PARP8: variants seen among roughly 807,000 people sequenced by gnomAD.
PARP8 encodes protein mono-ADP-ribosyltransferase PARP8.
A neutral mutation model predicts 124.1 loss-of-function variants in PARP8; 51 were observed. The ratio of observed to expected loss-of-function variants is 0.41; its 90% CI spans 0.33 to 0.52. The LOEUF (loss-of-function observed/expected upper bound fraction) is 0.52, where lower values mean the gene tolerates loss of function less well. Among genes scored for constraint, PARP8 ranks in the 20% least tolerant of loss-of-function variants. PARP8 has a pLI of 0.21. For synonymous variants in PARP8, 391 were observed against 361.5 expected (o/e 1.08, Z -0.93); for missense variants, 860 against 1,018.9 (o/e 0.84, Z 2.12).
At chr5:50,688,077 A>G (rs761041831) in intron 2 of PARP8, among the ~76,000 whole-genome samples, 2 of 152,256 alleles carry the variant, frequency 1.3e-5, no homozygotes, top group South Asian at 2.1e-4. Context: ...TGGAAGTTCT[A>G]GGCTCAGGGG....
chr5:50,751,913 G>A (rs1759305549), intron 3 of PARP8, among the ~76,000 whole-genome samples: 1 of 152,036 alleles, frequency 6.6e-6, no homozygotes. Flanking sequence ...TGGTTAATAT[G>A]CTTGACTTTT....
chr5:50,701,446 A>G (rs1369353732), intron 2 of PARP8, among the ~76,000 whole-genome samples: 1 of 152,168 alleles, frequency 6.6e-6, no homozygotes, highest in Non-Finnish European at 1.5e-5. Context: ...TTCTTCAAAC[A>G]AAAAGAAAAT....
At chr5:50,792,341 G>T (rs1299962960) in intron 10 of PARP8, among the ~76,000 whole-genome samples, 1 of 152,108 alleles carries the variant, frequency 6.6e-6, no homozygotes, top group Non-Finnish European at 1.5e-5. Context: ...ATGTCTTTTA[G>T]AAAACAATTT....
intron 7 of PARP8, among the ~76,000 whole-genome samples, chr5:50,765,440 T>A (rs1331198809): frequency 6.6e-6 from 1 of 152,182 alleles, no homozygotes; most frequent in Non-Finnish European, 1.5e-5. Context: ...TAAGTACCTA[T>A]GATGGTCTGT....
At chr5:50,797,076 T>C (rs1742642944) in intron 13 of PARP8, 44 bp downstream of exon 13, 2 of 1,609,832 alleles carry the variant, frequency 1.2e-6, no homozygotes, top group Non-Finnish European at 1.7e-6. Flanking sequence ...TTTTAGTTCT[T>C]ACGGGGTTTT....
intron 2 of PARP8, among the ~76,000 whole-genome samples, chr5:50,680,920 A>G (rs1399402382): frequency 2.6e-5 from 4 of 152,148 alleles, no homozygotes; most frequent in Non-Finnish European, 4.4e-5. Context: ...GGTGAAAATC[A>G]CTTTTGTTAC....
At chr5:50,815,826 G>A (rs750849874) in intron 15 of PARP8, among the ~76,000 whole-genome samples, 1 of 152,068 alleles carries the variant, frequency 6.6e-6, no homozygotes, top group African/African-American at 2.4e-5. Context: ...CATGCTTTAT[G>A]TAAAATTTAT....
chr5:50,754,116 C>CAT lies in PARP8; in HGVS notation c.184+3962_184+3963dup, dbSNP rs373375463. Among the ~76,000 whole-genome samples, 237 of 64,640 alleles carry CAT rather than the reference C, an allele frequency of 3.7e-3. 1 individual carries two copies. The highest frequency in any genetic ancestry group is 0.016 in the South Asian group (24 of 1,544). 42.4% of individuals were successfully genotyped at this position (64,640 alleles called of 152,430 possible). A position where few individuals can be genotyped will look rare whatever the true frequency, so the allele number is the denominator to read the frequency against. On this transcript the variant is annotated intron_variant, in intron 3 of 25. Transcript: ENST00000281631. The stretch of plus-strand genomic sequence containing the variant: ...GAAGGAATTTGAGTTTGAAAACATT[C>CAT]ATATATATATATATATATATATATA...
chr5:50,781,981 T>C (rs1189832152), intron 9 of PARP8, among the ~76,000 whole-genome samples: 1 of 152,178 alleles, frequency 6.6e-6, no homozygotes, highest in African/African-American at 2.4e-5. Flanking sequence ...TTGTCTGCAC[T>C]CAGGGTCTGC....
At chr5:50,817,235 C>T (rs550870662) in intron 15 of PARP8, among the ~76,000 whole-genome samples, 1 of 152,248 alleles carries the variant, frequency 6.6e-6, no homozygotes, top group Non-Finnish European at 1.5e-5. Context: ...AAATGAAATT[C>T]AAATTATATA....
intron 10 of PARP8, among the ~76,000 whole-genome samples, chr5:50,791,919 A>G (rs1228612565): frequency 6.6e-6 from 1 of 152,214 alleles, no homozygotes; most frequent in African/African-American, 2.4e-5. Flanking sequence ...AACTTGGTTT[A>G]TGATATTATT....
At chr5:50,821,442 A>G in intron 16 of PARP8, 104 bp downstream of exon 16, 9 of 1,287,248 alleles carry the variant, frequency 7.0e-6, no homozygotes, top group Non-Finnish European at 8.8e-6. Context: ...CTAAATCTCT[A>G]TCTCATCAAG....
chr5:50,677,135 A>G (rs1041972921), intron 2 of PARP8, among the ~76,000 whole-genome samples: 10 of 152,094 alleles, frequency 6.6e-5, no homozygotes, highest in African/African-American at 2.4e-4. Context: ...AACGGAGTGA[A>G]TTCTTGATTG....
At chr5:50,681,512 C>T (rs979602244) in intron 2 of PARP8, among the ~76,000 whole-genome samples, 1 of 152,070 alleles carries the variant, frequency 6.6e-6, no homozygotes, top group African/African-American at 2.4e-5. Context: ...ATATCTGTAG[C>T]AGCAAGTTTT....
chr5:50,738,243 A>G (rs977120170), intron 2 of PARP8, among the ~76,000 whole-genome samples: 5 of 152,236 alleles, frequency 3.3e-5, no homozygotes, highest in African/African-American at 1.2e-4. Context: ...CACTAGGGGA[A>G]AAATTGTTAA....
intron 17 of PARP8, among the ~76,000 whole-genome samples, chr5:50,823,119 A>T (rs1469775216): frequency 6.6e-6 from 1 of 152,212 alleles, no homozygotes; most frequent in East Asian, 1.9e-4. Context: ...CAAGGATTGC[A>T]CTGCCTTAGA....
At chr5:50,706,315 T>G (rs1754144682) in intron 2 of PARP8, among the ~76,000 whole-genome samples, 2 of 152,156 alleles carry the variant, frequency 1.3e-5, no homozygotes, top group South Asian at 4.1e-4. Flanking sequence ...AATATTTTTT[T>G]CTGAGTAAAT....
At chr5:50,702,719 T>G (rs1753724383) in intron 2 of PARP8, among the ~76,000 whole-genome samples, 1 of 152,220 alleles carries the variant, frequency 6.6e-6, no homozygotes, top group Admixed American at 6.5e-5. Flanking sequence ...TTTTAATTAG[T>G]GTAGTGTCAG....
At chr5:50,725,861 A>G (rs1756374237) in intron 2 of PARP8, among the ~76,000 whole-genome samples, 1 of 152,164 alleles carries the variant, frequency 6.6e-6, no homozygotes, top group South Asian at 2.1e-4. Flanking sequence ...TAATGTTGGC[A>G]TTATCAGCTT....
Sources: gnomAD v4.1 joint callset for allele counts (sites outside exome capture counted in the v4.1 genomes callset) on GRCh38, gnomAD v4.1.1 for gene constraint, MANE v1.5 for transcripts, NCBI Gene and HGNC (gene_info 2026-07-23, HGNC 2026-07-21) for gene names.